Variants in TIAM2 observed in about 807,000 individuals in gnomAD.
The protein encoded by TIAM2 is TIAM Rac1 associated GEF 2.
TIAM2 carries 80 observed loss-of-function variants against 152.9 expected under a neutral mutation model. The observed-to-expected ratio is 0.52, with a 90% confidence interval of 0.44 to 0.63. The LOEUF (loss-of-function observed/expected upper bound fraction) is 0.63. Among genes scored for constraint, TIAM2 ranks in the 30% least tolerant of loss-of-function variants. The pLI, the probability that TIAM2 is intolerant of heterozygous loss-of-function variation, is 0.00. For missense variants in TIAM2, 1,965 were observed against 2,120.1 expected (o/e 0.93, Z 1.44); for synonymous variants, 804 against 838.0 (o/e 0.96, Z 0.70).
chr6:155,236,852 T>A (rs1782787903), intron 15 of TIAM2, among the ~76,000 whole-genome samples: 1 of 152,036 alleles, frequency 6.6e-6, no homozygotes, highest in African/African-American at 2.4e-5. Flanking sequence ...CCACAATACA[T>A]GAGAATTATT....
intron 7 of TIAM2, chr6:155,149,374 G>C (rs1779894613): frequency 6.0e-6 from 1 of 166,960 alleles, no homozygotes. Context: ...CTTGAATGAG[G>C]AATGGGATGA....
chr6:155,121,388 T>G (rs1779146965), intron 2 of TIAM2, among the ~76,000 whole-genome samples: 1 of 152,240 alleles, frequency 6.6e-6, no homozygotes, highest in Non-Finnish European at 1.5e-5. Context: ...CCACACTTGA[T>G]TCTCAGTCTG....
At chr6:155,005,877 C>T (rs1316393940) in intron 1 of TIAM2, among the ~76,000 whole-genome samples, 3 of 151,910 alleles carry the variant, frequency 2.0e-5, no homozygotes, top group Non-Finnish European at 2.9e-5. Context: ...CTTGAACTCC[C>T]GACCTCAGGT....
chr6:155,240,060 T>A (rs1026034129), intron 15 of TIAM2, among the ~76,000 whole-genome samples: 1 of 152,228 alleles, frequency 6.6e-6, no homozygotes, highest in Non-Finnish European at 1.5e-5. Context: ...CTGTAATTGC[T>A]CTTGGGCTGT....
At chr6:155,249,245 C>T (rs970372412) in intron 20 of TIAM2, among the ~76,000 whole-genome samples, 6 of 152,192 alleles carry the variant, frequency 3.9e-5, no homozygotes, top group African/African-American at 1.4e-4. Context: ...CATATTCCCT[C>T]GCGGAAAGTT....
At chr6:155,088,544 A>G (rs1355811050) in intron 1 of TIAM2, among the ~76,000 whole-genome samples, 1 of 152,234 alleles carries the variant, frequency 6.6e-6, no homozygotes, top group East Asian at 1.9e-4. Flanking sequence ...TTCATTAAAC[A>G]GTTAGAATAA....
At chr6:155,039,801 T>G (rs1024200350) in intron 1 of TIAM2, among the ~76,000 whole-genome samples, 2 of 152,192 alleles carry the variant, frequency 1.3e-5, no homozygotes, top group African/African-American at 4.8e-5. Flanking sequence ...AAGCAGGGTG[T>G]GCCTGTGGCA....
Position 155,129,987 on chromosome 6 carries a change from G to A in TIAM2, c.764G>A (p.Gly255Asp). 1 of 1,614,150 alleles carries A rather than the reference G, an allele frequency of 6.2e-7. No homozygotes were observed. Among genetic ancestry groups the A allele is most frequent in the Middle Eastern group, 1.6e-4 (1 of 6,062 alleles). Reference protein sequence around the residue: ...SESSWYDSPWGNAGELSEAEG... With the variant: ...SESSWYDSPWDNAGELSEAEG... Reference sequence around the variant, plus strand: ...TCATCCTGGTACGACTCCCCTTGGGGCAATGCTGGAGAGCTGAGCGAGGCT... The same window carrying A: ...TCATCCTGGTACGACTCCCCTTGGGACAATGCTGGAGAGCTGAGCGAGGCT... The change falls in exon 4 of 27, where the codon GGC becomes GAC. Residue 255 changes from glycine (G) to aspartate (D), a missense_variant. Transcript: ENST00000682666. This position sits in a 1 kb window ranked among gnomAD's most constrained non-coding sequence, Gnocchi z 4.8.
rs1225980505 is a variant in TIAM2 at position 155,174,225 on chromosome 6, G to C, written c.2362-2591G>C. Among the ~76,000 whole-genome samples, 4 of 152,154 alleles carry C rather than the reference G, an allele frequency of 2.6e-5. No individual in the cohort carries two copies. On this transcript the variant is annotated intron_variant, in intron 9 of 26. Transcript: ENST00000682666. This position sits in a 1 kb window ranked among gnomAD's most constrained non-coding sequence, Gnocchi z 4.2. ...CCATAGGCACTAGTTGTGTAAACTT[G>C]GGCAAGTTTCTAGAATTTCCTGAGC...
At chr6:155,194,784 C>T (rs1240092152) in intron 14 of TIAM2, among the ~76,000 whole-genome samples, 1 of 152,196 alleles carries the variant, frequency 6.6e-6, no homozygotes, top group Non-Finnish European at 1.5e-5. Context: ...TGTCCCCACC[C>T]AAATCTCATC....
At chr6:155,190,785 G>C (rs1307927646) in intron 14 of TIAM2, among the ~76,000 whole-genome samples, 1 of 151,910 alleles carries the variant, frequency 6.6e-6, no homozygotes, top group Non-Finnish European at 1.5e-5. Context: ...GTAGTTCTAT[G>C]AAACTATTGG....
chr6:155,167,223 A>G (rs984219994), intron 9 of TIAM2, among the ~76,000 whole-genome samples: 1 of 151,210 alleles, frequency 6.6e-6, no homozygotes, highest in South Asian at 2.1e-4. Flanking sequence ...CTTGTAATTA[A>G]TTTTTTTTTC....
chr6:155,257,146 A>AAAT lies in TIAM2; in HGVS notation c.*26_*28dup. 6.2e-7 allele frequency: 1 copy of AAAT among 1,603,014 alleles called. No individual in the cohort carries two copies. Among genetic ancestry groups the AAAT allele is most frequent in the South Asian group, 1.1e-5 (1 of 90,212 alleles). On this transcript the variant is annotated 3_prime_UTR_variant, in exon 27 of 27. Transcript: ENST00000682666. ...GTATGATTCAATCCAGATATGGGTT[A>AAAT]AATTCCTCATTTTACTTTTAAACTG... is the stretch of plus-strand genomic sequence containing the variant.
At chr6:155,086,770 C>T (rs1778180548) in intron 1 of TIAM2, among the ~76,000 whole-genome samples, 1 of 150,716 alleles carries the variant, frequency 6.6e-6, no homozygotes, top group African/African-American at 2.4e-5. Flanking sequence ...GCTGCAGCTT[C>T]CTCTTTAACT....
At chr6:155,051,365 G>A (rs959004392) in intron 1 of TIAM2, among the ~76,000 whole-genome samples, 11 of 152,176 alleles carry the variant, frequency 7.2e-5, no homozygotes, top group African/African-American at 2.2e-4. Flanking sequence ...CGCATCATAC[G>A]TGCTGGGTGC....
At chr6:155,002,065 A>G (rs991329274) in intron 1 of TIAM2, among the ~76,000 whole-genome samples, 7 of 152,220 alleles carry the variant, frequency 4.6e-5, no homozygotes, top group Non-Finnish European at 7.3e-5. Flanking sequence ...AAGAAGGATG[A>G]CAGCAGCGCC....
In TIAM2 at chr6:155,217,846, A is replaced by G. The variant is rs185934258; in HGVS notation, c.3168+6539A>G. Among the ~76,000 whole-genome samples the G allele has an allele frequency of 5.3e-5, 8 of 152,348 alleles. No homozygotes were observed. In the East Asian group the frequency reaches 1.5e-3, roughly 29 times the overall value. On this transcript the variant is annotated intron_variant, in intron 15 of 26. Transcript: ENST00000682666. ...TTTATTTTTTCTAGGCAGAAAAAAA[A>G]GAACGTGCACTAGTGGCTATGGTTT...
chr6:155,059,328 G>A (rs558717904), intron 1 of TIAM2, among the ~76,000 whole-genome samples: 6 of 145,362 alleles, frequency 4.1e-5, no homozygotes, highest in East Asian at 1.9e-4. Context: ...GTGTGTGTGC[G>A]CGTGTATGTT....
intron 5 of TIAM2, among the ~76,000 whole-genome samples, chr6:155,144,012 G>A (rs1779768997): frequency 6.6e-6 from 1 of 152,154 alleles, no homozygotes; most frequent in Non-Finnish European, 1.5e-5. Flanking sequence ...CTTATGTAAA[G>A]TGCTGGATGA....
Sources: gnomAD v4.1 joint callset for allele counts (sites outside exome capture counted in the v4.1 genomes callset) on GRCh38, gnomAD v4.1.1 for gene constraint, Gnocchi (gnomAD v3.1) non-coding constraint, MANE v1.5 for transcripts, NCBI Gene and HGNC (gene_info 2026-07-23, HGNC 2026-07-21) for gene names.